The following COL5A2 variants were observed in gnomAD, a reference collection of about 807,000 sequenced individuals.
The protein encoded by COL5A2 is collagen alpha-2(V) chain.
In COL5A2, 23 loss-of-function variants were observed where a neutral mutation model predicts 208.2. The ratio of observed to expected loss-of-function variants is 0.11; its 90% CI spans 0.08 to 0.16. COL5A2 has a LOEUF of 0.16. COL5A2 is among the 10% of genes least tolerant of loss of function. The pLI is 1.00. For synonymous variants in COL5A2, 625 were observed against 628.5 expected (o/e 0.99, Z 0.08); for missense variants, 1,590 against 1,956.4 (o/e 0.81, Z 3.53).
intron 1 of COL5A2, among the ~76,000 whole-genome samples, chr2:189,194,589 C>T (rs1003295472): frequency 2.0e-5 from 3 of 152,154 alleles, no homozygotes; most frequent in African/African-American, 2.4e-5. Flanking sequence ...AATTTAGCCA[C>T]TTCCCAGTTG....
At chr2:189,172,876 T>A (rs1168725121) in intron 1 of COL5A2, among the ~76,000 whole-genome samples, 1 of 151,798 alleles carries the variant, frequency 6.6e-6, no homozygotes, top group Non-Finnish European at 1.5e-5. Flanking sequence ...CATGTAAACA[T>A]TTTTGAGTTT....
chr2:189,280,650 T>C, the COL5A2 span, among the ~76,000 whole-genome samples: 1 of 152,176 alleles, frequency 6.6e-6, no homozygotes, highest in Non-Finnish European at 1.5e-5. Context: ...ATCAATTCTG[T>C]ATTTTCCAGG....
chr2:189,129,062 A>G (rs1196162913), intron 1 of COL5A2, among the ~76,000 whole-genome samples: 2 of 151,978 alleles, frequency 1.3e-5, no homozygotes, highest in Non-Finnish European at 2.9e-5. Context: ...TGAATATAAG[A>G]AGTCTCAAAG....
intron 1 of COL5A2, among the ~76,000 whole-genome samples, chr2:189,149,991 G>C (rs1437178094): frequency 6.6e-6 from 1 of 152,078 alleles, no homozygotes; most frequent in Non-Finnish European, 1.5e-5. Flanking sequence ...TTTCAAGCTT[G>C]GTACAATGCA....
chr2:189,268,774 A>T, the COL5A2 span, among the ~76,000 whole-genome samples: 62 of 152,256 alleles, frequency 4.1e-4, no homozygotes, highest in Non-Finnish European at 7.5e-4. Flanking sequence ...TATTAAAATA[A>T]TATATCTCTT....
chr2:189,387,311 C>A, the COL5A2 span, among the ~76,000 whole-genome samples: 1 of 152,038 alleles, frequency 6.6e-6, no homozygotes, highest in Non-Finnish European at 1.5e-5. Context: ...GTGGAGCCTA[C>A]TAGTGATAGA....
At chr2:189,258,701 T>C in the COL5A2 span, among the ~76,000 whole-genome samples, 4 of 152,140 alleles carry the variant, frequency 2.6e-5, no homozygotes, top group East Asian at 7.7e-4. Flanking sequence ...TTTCCATTCA[T>C]ATATGGGATT....
At chr2:189,300,601 A>G in the COL5A2 span, among the ~76,000 whole-genome samples, 1 of 152,230 alleles carries the variant, frequency 6.6e-6, no homozygotes, top group Non-Finnish European at 1.5e-5. Context: ...GAGGAGAAAT[A>G]GACATGTCCT....
At chr2:189,358,045 T>G in the COL5A2 span, among the ~76,000 whole-genome samples, 1 of 152,120 alleles carries the variant, frequency 6.6e-6, no homozygotes, top group Admixed American at 6.5e-5. Context: ...TCACCCTCTG[T>G]GGGCTGCACC....
chr2:189,271,928 G>A, the COL5A2 span, among the ~76,000 whole-genome samples: 13 of 152,204 alleles, frequency 8.5e-5, no homozygotes, highest in South Asian at 1.4e-3. Flanking sequence ...ATCACTGGTC[G>A]TTAGAGAAAC....
intron 1 of COL5A2, among the ~76,000 whole-genome samples, chr2:189,200,892 G>A (rs1689060705): frequency 6.6e-6 from 1 of 151,972 alleles, no homozygotes; most frequent in Admixed American, 6.6e-5. Flanking sequence ...AAATTAAGAG[G>A]AAATAATGGC....
intron 1 of COL5A2, among the ~76,000 whole-genome samples, chr2:189,136,060 C>T (rs965301467): frequency 1.3e-5 from 2 of 152,120 alleles, no homozygotes; most frequent in African/African-American, 4.8e-5. Flanking sequence ...AAAATGATTG[C>T]GAGTGGGATG....
chr2:189,394,233 T>C, the COL5A2 span, among the ~76,000 whole-genome samples: 1 of 152,128 alleles, frequency 6.6e-6, no homozygotes, highest in African/African-American at 2.4e-5. Flanking sequence ...ATAATATGAA[T>C]TGAAGAGTAT....
At chr2:189,139,328 C>A (rs879363643) in intron 1 of COL5A2, among the ~76,000 whole-genome samples, 1 of 152,006 alleles carries the variant, frequency 6.6e-6, no homozygotes, top group Non-Finnish European at 1.5e-5. Context: ...AATAATAATT[C>A]ATGTTGATAG....
At chr2:189,364,604 A>G in the COL5A2 span, among the ~76,000 whole-genome samples, 2 of 152,052 alleles carry the variant, frequency 1.3e-5, no homozygotes, top group Non-Finnish European at 2.9e-5. Context: ...GGAGAATCGC[A>G]AGAATCCAGG....
At chr2:189,321,630 T>A in the COL5A2 span, among the ~76,000 whole-genome samples, 9 of 152,164 alleles carry the variant, frequency 5.9e-5, no homozygotes, top group Non-Finnish European at 1.3e-4. Context: ...CCTAAATATA[T>A]ATGCACCCAA....
chr2:189,138,724 C>T (rs960040927), intron 1 of COL5A2, among the ~76,000 whole-genome samples: 1 of 152,040 alleles, frequency 6.6e-6, no homozygotes, highest in Non-Finnish European at 1.5e-5. Context: ...AGTACATACA[C>T]ACAAAAAAGC....
chr2:189,048,396 G>T, intron 44 of COL5A2, 134 bp from the exon 45 acceptor site: 2 of 733,286 alleles, frequency 2.7e-6, no homozygotes, highest in Non-Finnish European at 4.7e-6. Context: ...GCAAATGTCA[G>T]CAGAAGAACG....
the COL5A2 span, among the ~76,000 whole-genome samples, chr2:189,350,217 A>T: frequency 6.6e-6 from 1 of 152,178 alleles, no homozygotes; most frequent in Non-Finnish European, 1.5e-5. Flanking sequence ...GTACATATGT[A>T]TTACATGAAA....
Sources: gnomAD v4.1 joint callset for allele counts (sites outside exome capture counted in the v4.1 genomes callset) on GRCh38, gnomAD v4.1.1 for gene constraint, MANE v1.5 for transcripts, NCBI Gene and HGNC (gene_info 2026-07-23, HGNC 2026-07-21) for gene names.